Variants in GPNMB observed in about 807,000 individuals in gnomAD.
GPNMB encodes the protein glycoprotein nmb.
In GPNMB, 71 loss-of-function variants were observed where a neutral mutation model predicts 57.3. That is an observed-to-expected ratio of 1.24 (90% CI 1.02 to 1.51). The LOEUF (loss-of-function observed/expected upper bound fraction) is 1.51. Ranked by LOEUF, GPNMB falls within the 40% of genes most tolerant of loss-of-function variation. The probability of loss-of-function intolerance (pLI) is 0.00; values close to 1 mark genes in which losing one functional copy is unlikely to be tolerated. For synonymous variants in GPNMB, 253 were observed against 263.2 expected (o/e 0.96, Z 0.38); for missense variants, 677 against 691.9 (o/e 0.98, Z 0.24).
chr7:23,268,976 A>T (rs997163085), intron 8 of GPNMB, among the ~76,000 whole-genome samples: 8 of 152,214 alleles, frequency 5.3e-5, no homozygotes, highest in African/African-American at 1.9e-4. Flanking sequence ...AGATGAGTCA[A>T]ACCTCTTCTG....
chr7:23,256,431 T>C (rs1174014695), intron 3 of GPNMB, among the ~76,000 whole-genome samples: 1 of 152,142 alleles, frequency 6.6e-6, no homozygotes, highest in Non-Finnish European at 1.5e-5. Flanking sequence ...CAAACCTTGA[T>C]TGGGGTGATA....
In GPNMB at chr7:23,274,278, C is replaced by T. The variant is rs1783284893; in HGVS notation, c.*54C>T. Reference sequence around the variant, plus strand: ...TTCAGTGCCATTGATGTGAGATGTGCTGGAGTGGCTATTAACCTTTTTTTC... The same window carrying T: ...TTCAGTGCCATTGATGTGAGATGTGTTGGAGTGGCTATTAACCTTTTTTTC... On this transcript the variant is annotated 3_prime_UTR_variant, in exon 11 of 11. Coordinates refer to ENST00000258733, the MANE Select transcript of GPNMB (RefSeq NM_002510.3). 7.6e-7 allele frequency: 1 copy of T among 1,314,464 alleles called. No individual in the cohort carries two copies. The highest frequency in any genetic ancestry group is 1.1e-6 in the Non-Finnish European group (1 of 924,136). The allele number at this position is 1,314,464 out of a possible 1,614,324, so 81.4% of individuals were successfully genotyped here.
Position 23,265,777 on chromosome 7 carries a change from T to C in GPNMB, c.1019-740T>C, listed in dbSNP as rs1024869054. Reference sequence around the variant, plus strand: ...GCAGGTATTGTTCTTATTTTACAGATGAGCAAATAGAGGCAAAAACAGATT... The same window carrying C: ...GCAGGTATTGTTCTTATTTTACAGACGAGCAAATAGAGGCAAAAACAGATT... On this transcript the variant is annotated intron_variant, in intron 6 of 10. Transcript: ENST00000258733. Among the ~76,000 whole-genome samples the C allele has an allele frequency of 3.3e-5, 5 of 151,658 alleles. No individual in the cohort carries two copies. In the East Asian group the frequency reaches 9.7e-4, roughly 29 times the overall value.
Position 23,270,047 on chromosome 7 carries a change from T to C in GPNMB, c.1301T>C (p.Val434Ala). The C allele has an allele frequency of 1.9e-6, 3 of 1,613,986 alleles. No individual in the cohort carries two copies. The highest frequency in any genetic ancestry group is 1.1e-5 in the South Asian group (1 of 91,080). The change falls in exon 9 of 11, where the codon GTG becomes GCG. Residue 434 changes from valine to alanine, a missense_variant. By Grantham distance (64) the Val-to-Ala change is moderately conservative (BLOSUM62 0). Transcript: ENST00000258733. ...AACACAGTCTGCAGCCCTGTGGATG[T>C]GGATGAGATGTGTCTGCTGACTGTG... ...TQNTVCSPVD[V>A]DEMCLLTVRR...
In GPNMB at chr7:23,274,188, G is replaced by A. The variant is rs35439325; in HGVS notation, c.1647G>A (p.Pro549=). The A allele has an allele frequency of 4.8e-3, 7,787 of 1,613,682 alleles. 26 individuals are homozygous for A. The highest frequency in any genetic ancestry group is 0.012 in the Middle Eastern group (74 of 6,060). ...TCCCGGGAAACCAGGAAAAGGATCC[G>A]CTACTCAAAAACCAAGAATTTAAAG... ...VFFPGNQEKD[P]LLKNQEFKGV... The change falls in exon 11 of 11, where the codon CCG becomes CCA. Residue 549 remains proline, a synonymous_variant. Transcript: ENST00000258733.
At chr7:23,262,582 T>C (rs1465753532) in intron 6 of GPNMB, among the ~76,000 whole-genome samples, 1 of 151,328 alleles carries the variant, frequency 6.6e-6, no homozygotes, top group Non-Finnish European at 1.5e-5. Flanking sequence ...ATAGAATGTA[T>C]GTACTGTCAT....
intron 1 of GPNMB, among the ~76,000 whole-genome samples, chr7:23,251,539 G>A (rs536958337): frequency 6.6e-6 from 1 of 152,314 alleles, no homozygotes; most frequent in South Asian, 2.1e-4. Context: ...CAGCCCAACA[G>A]TTTCATTGAA....
chr7:23,267,096 G>C (rs566508532), intron 7 of GPNMB, among the ~76,000 whole-genome samples: 1 of 152,354 alleles, frequency 6.6e-6, no homozygotes, highest in Admixed American at 6.5e-5. Flanking sequence ...CCCAACCTGT[G>C]CTCACCAGTT....
chr7:23,255,705 T>G (rs1782760615), intron 3 of GPNMB, among the ~76,000 whole-genome samples: 1 of 152,198 alleles, frequency 6.6e-6, no homozygotes, highest in South Asian at 2.1e-4. Flanking sequence ...ATGACTTTTT[T>G]GAGAAATTGT....
At chr7:23,273,769 G>T in intron 10 of GPNMB, 155 bp downstream of exon 10, 1 of 601,002 alleles carries the variant, frequency 1.7e-6, no homozygotes, top group African/African-American at 1.9e-5. Flanking sequence ...AAACTGGCCT[G>T]TTAATCTTGT....
Position 23,260,048 on chromosome 7 carries a change from G to C in GPNMB, c.610G>C (p.Gly204Arg). The change falls in exon 5 of 11, where the codon GGG becomes CGG. Residue 204 changes from glycine (G) to arginine (R), a missense_variant. Transcript: ENST00000258733. ...TGTGAACACAGCCAATGTGACACTT[G>C]GGCCTCAACTCATGGAAGTGACTGT... ...VSVNTANVTL[G>R]PQLMEVTVYR... 6.2e-7 allele frequency: 1 copy of C among 1,613,986 alleles called. No homozygotes were observed. Among genetic ancestry groups the C allele is most frequent in the Non-Finnish European group, 8.5e-7 (1 of 1,179,868 alleles).
At chr7:23,264,742 T>G (rs1178249702) in intron 6 of GPNMB, among the ~76,000 whole-genome samples, 1 of 152,230 alleles carries the variant, frequency 6.6e-6, no homozygotes, top group Admixed American at 6.5e-5. Flanking sequence ...TTGGTCATTT[T>G]TTAAGAAAAT....
intron 1 of GPNMB, among the ~76,000 whole-genome samples, chr7:23,251,036 T>G (rs1287487480): frequency 6.6e-6 from 1 of 152,174 alleles, no homozygotes; most frequent in Non-Finnish European, 1.5e-5. Context: ...ATAGGAGCAA[T>G]CTCATAGAAT....
At chr7:23,271,493 CAAACAAAA>C (rs1783203566) in intron 9 of GPNMB, among the ~76,000 whole-genome samples, 1 of 152,146 alleles carries the variant, frequency 6.6e-6, no homozygotes. Flanking sequence ...AACAAACAAA[CAAACAAAA>C]ACACATATTT....
intron 4 of GPNMB, among the ~76,000 whole-genome samples, chr7:23,259,249 G>T (rs1391783626): frequency 6.6e-6 from 1 of 152,100 alleles, no homozygotes; most frequent in Non-Finnish European, 1.5e-5. Flanking sequence ...GCAGTGGTGT[G>T]ATCTCAGCTC....
Position 23,259,982 on chromosome 7 carries a change from C to T in GPNMB, c.544C>T (p.Gln182Ter). 1.9e-6 allele frequency: 3 copies of T among 1,613,972 alleles called. No homozygotes were observed. Among genetic ancestry groups the T allele is most frequent in the Non-Finnish European group, 2.5e-6 (3 of 1,179,878 alleles). ...TAAAAATTTCCATCCTCCCAAAGGT[C>T]AGTATTTCCAGAAATTGGGACGATG... ...NFIYVFHTLG[Q>*]YFQKLGRCSV... Residue 182 changes from glutamine (Q) to a stop codon, truncating the protein, a stop_gained and splice_region_variant, in exon 5 of 11, where the codon CAG becomes TAG. Coordinates refer to ENST00000258733, the MANE Select transcript of GPNMB (RefSeq NM_002510.3). LOFTEE classifies it high-confidence loss of function.
intron 8 of GPNMB, among the ~76,000 whole-genome samples, chr7:23,268,595 A>C (rs1409752827): frequency 6.6e-6 from 1 of 152,230 alleles, no homozygotes; most frequent in Non-Finnish European, 1.5e-5. Context: ...CGATTAACTA[A>C]ATATACATTA....
intron 9 of GPNMB, chr7:23,273,297 C>T (rs1783254798): frequency 2.0e-6 from 1 of 497,514 alleles, no homozygotes; most frequent in Non-Finnish European, 3.5e-6. Flanking sequence ...ACATCTCTCC[C>T]CCGCGCCCTT....
At chr7:23,269,781 C>T (rs1783153900) in intron 8 of GPNMB, among the ~76,000 whole-genome samples, 186 bp from the exon 9 acceptor site, 1 of 152,200 alleles carries the variant, frequency 6.6e-6, no homozygotes, top group South Asian at 2.1e-4. Flanking sequence ...AGGCATAGCT[C>T]AGCGCACAGG....
Sources: gnomAD v4.1 joint callset for allele counts (sites outside exome capture counted in the v4.1 genomes callset) on GRCh38, gnomAD v4.1.1 for gene constraint, MANE v1.5 for transcripts, NCBI Gene and HGNC (gene_info 2026-07-23, HGNC 2026-07-21) for gene names.